The following ST14 variants were observed in gnomAD, a reference collection of about 807,000 sequenced individuals.
ST14 encodes suppressor of tumorigenicity 14 protein.
ST14 carries 40 observed loss-of-function variants against 96.5 expected under a neutral mutation model. That is an observed-to-expected ratio of 0.41 (90% CI 0.32 to 0.54). The LOEUF is 0.54. ST14 is among the 20% of genes least tolerant of loss of function. The probability of loss-of-function intolerance (pLI) is 0.17; values close to 1 mark genes in which losing one functional copy is unlikely to be tolerated. For synonymous variants in ST14, 506 were observed against 492.1 expected, an observed-to-expected ratio of 1.03 and a Z score of -0.37; for missense variants, 1,066 against 1,188.9, an observed-to-expected ratio of 0.90 and a Z score of 1.52.
intron 11 of ST14, 155 bp downstream of exon 11, chr11:130,196,855 T>G: frequency 9.4e-7 from 1 of 1,067,454 alleles, no homozygotes; most frequent in Non-Finnish European, 1.4e-6. Flanking sequence ...GAAAACACGC[T>G]ACCTTTGATG....
Position 130,204,654 on chromosome 11 carries a change from A to T in ST14, c.1995-3756A>T, listed in dbSNP as rs183873277. Among the ~76,000 whole-genome samples the T allele has an allele frequency of 1.1e-4, 16 of 152,312 alleles. No homozygotes were observed. In the East Asian group the frequency reaches 2.3e-3, roughly 22 times the overall value. ...TGGTGAAACCCCATTTCTACTAAAA[A>T]TACAAAAATTAGCTGAGCATGGTGG... On this transcript the variant is annotated intron_variant, in intron 16 of 18. Transcript: ENST00000278742.
At chr11:130,176,378 TTTTTCTTTTTC>T (rs1176611223) in intron 1 of ST14, among the ~76,000 whole-genome samples, 64 of 152,060 alleles carry the variant, frequency 4.2e-4, no homozygotes, top group African/African-American at 1.4e-3. Flanking sequence ...TCCTTTTTTT[TTTTTCTTTTTC>T]TTTTCTTTTT....
Position 130,181,845 on chromosome 11 carries a change from GATT to G in ST14, c.82-6267_82-6265del, listed in dbSNP as rs1953196107. ...TATAAAAGGAAGCAGCCCAGTTACTGATTAGACAGCACTTTTAGGCTGGGTGGA... is the reference window on the plus strand; with the variant it reads ...TATAAAAGGAAGCAGCCCAGTTACTGAGACAGCACTTTTAGGCTGGGTGGA... On this transcript the variant is annotated intron_variant, in intron 1 of 18. Coordinates refer to ENST00000278742, the MANE Select transcript of ST14 (RefSeq NM_021978.4). The surrounding 1 kb of genome is among the most constrained non-coding windows in gnomAD (Gnocchi z 4.1). Among the ~76,000 whole-genome samples the G allele has an allele frequency of 6.6e-6, 1 of 152,236 alleles. No homozygotes were observed. Among genetic ancestry groups the G allele is most frequent in the Non-Finnish European group, 1.5e-5 (1 of 68,048 alleles).
chr11:130,206,314 C>T (rs1271754365), intron 16 of ST14, among the ~76,000 whole-genome samples: 1 of 152,116 alleles, frequency 6.6e-6, no homozygotes, highest in East Asian at 1.9e-4. Context: ...GCACCTGGCT[C>T]GGGACGCCCA....
chr11:130,200,826 G>C (rs1231481961), intron 16 of ST14, among the ~76,000 whole-genome samples: 2 of 152,206 alleles, frequency 1.3e-5, no homozygotes, highest in Non-Finnish European at 2.9e-5. Flanking sequence ...CGTTTGCTTG[G>C]GGTGGCACAG....
chr11:130,200,673 A>G (rs1591894549), intron 16 of ST14, among the ~76,000 whole-genome samples: 1 of 152,212 alleles, frequency 6.6e-6, no homozygotes, highest in East Asian at 1.9e-4. Flanking sequence ...ACGGGGCTCA[A>G]TAACAGTAAT....
intron 9 of ST14, among the ~76,000 whole-genome samples, chr11:130,195,148 C>T (rs1402382892): frequency 5.9e-5 from 9 of 151,992 alleles, no homozygotes; most frequent in Admixed American, 2.0e-4. Flanking sequence ...CTCAGGAGGC[C>T]GAGGTGGGAG....
At position 130,208,469 on chromosome 11, in the gene ST14, G is replaced by A; in HGVS notation, c.2054G>A (p.Ser685Asn). 6.2e-7 allele frequency: 1 copy of A among 1,614,182 alleles called. No homozygotes were observed. The highest frequency in any genetic ancestry group is 8.5e-7 in the Non-Finnish European group (1 of 1,180,044). Residue 685 changes from serine (S) to asparagine (N), a missense_variant, in exon 17 of 19, where the codon AGC becomes AAC. Physicochemically the swap from Ser to Asn is conservative, Grantham distance 46. Coordinates refer to ENST00000278742, the MANE Select transcript of ST14 (RefSeq NM_021978.4). Reference protein sequence around the residue: ...FLGLHDQSQRSAPGVQERRLK... With the variant: ...FLGLHDQSQRNAPGVQERRLK... Reference sequence around the variant, plus strand: ...GGCTTGCACGACCAGAGCCAGCGCAGCGCCCCTGGGGTGCAGGAGCGCAGG... The same window carrying A: ...GGCTTGCACGACCAGAGCCAGCGCAACGCCCCTGGGGTGCAGGAGCGCAGG...
At chr11:130,201,634 A>G (rs1953429426) in intron 16 of ST14, among the ~76,000 whole-genome samples, 1 of 152,268 alleles carries the variant, frequency 6.6e-6, no homozygotes, top group East Asian at 1.9e-4. Context: ...GCTGAAGTTC[A>G]GTGGTGCAAA....
chr11:130,164,532 C>A (rs1300256770), intron 1 of ST14, among the ~76,000 whole-genome samples: 1 of 151,638 alleles, frequency 6.6e-6, no homozygotes, highest in Non-Finnish European at 1.5e-5. Flanking sequence ...AATCCTCCTG[C>A]CTCAGCTTTC....
At chr11:130,190,275 G>A in intron 6 of ST14, 127 bp downstream of exon 6, 3 of 1,482,288 alleles carry the variant, frequency 2.0e-6, no homozygotes, top group Non-Finnish European at 2.8e-6. Flanking sequence ...ATCTTTCCAG[G>A]CCCTTCCTCT....
chr11:130,184,920 G>A (rs1953224391), intron 1 of ST14, among the ~76,000 whole-genome samples: 2 of 152,178 alleles, frequency 1.3e-5, no homozygotes, highest in African/African-American at 2.4e-5. Flanking sequence ...TCCACAGGAA[G>A]ATGTATATAG....
chr11:130,208,644 G>T lies in ST14; in HGVS notation c.2229G>T (p.Lys743Asn), dbSNP rs369964641. 24 of 1,613,902 alleles carry T rather than the reference G, an allele frequency of 1.5e-5. No individual in the cohort carries two copies. The highest frequency in any genetic ancestry group is 2.0e-5 in the Non-Finnish European group (24 of 1,179,990). ...PDASHVFPAG[K>N]AIWVTGWGHT... Reference sequence around the variant, plus strand: ...CCTCCCATGTCTTCCCTGCCGGCAAGGCCATCTGGGTCACGGGCTGGGGAC... The same window carrying T: ...CCTCCCATGTCTTCCCTGCCGGCAATGCCATCTGGGTCACGGGCTGGGGAC... The change falls in exon 17 of 19, where the codon AAG becomes AAT. Residue 743 changes from lysine to asparagine, a missense_variant. Transcript: ENST00000278742.
chr11:130,166,139 C>A (rs1159092931), intron 1 of ST14, among the ~76,000 whole-genome samples: 1 of 152,212 alleles, frequency 6.6e-6, no homozygotes, highest in Non-Finnish European at 1.5e-5. Flanking sequence ...TTTCAACATG[C>A]TTTACATAGA....
At chr11:130,176,760 T>C (rs1474103610) in intron 1 of ST14, among the ~76,000 whole-genome samples, 3 of 150,168 alleles carry the variant, frequency 2.0e-5, no homozygotes, top group Non-Finnish European at 1.5e-5. Flanking sequence ...GCATTAAAAG[T>C]ACAGGGATTT....
In ST14 at chr11:130,188,953, GA is replaced by G. The variant is rs1373963869; in HGVS notation, c.440+16del. On this transcript the variant is annotated intron_variant, in intron 4 of 18. Transcript: ENST00000278742. The surrounding 1 kb of genome is among the most constrained non-coding windows in gnomAD (Gnocchi z 5.4). ...GACGGCCTTCAGGTGGGTGTGGAGA[GA>G]AGGCTCAGTGGGATGCACCCCAGAC... 6.2e-7 allele frequency: 1 copy of G among 1,605,490 alleles called. No individual in the cohort carries two copies. Among genetic ancestry groups the G allele is most frequent in the East Asian group, 2.2e-5 (1 of 44,622 alleles).
intron 15 of ST14, 148 bp from the exon 16 acceptor site, chr11:130,199,803 C>A: frequency 2.3e-6 from 2 of 856,374 alleles, no homozygotes; most frequent in East Asian, 2.4e-5. Flanking sequence ...TTTTGGGGGT[C>A]CCTCACGCCC....
At position 130,200,063 on chromosome 11, in the gene ST14, C is replaced by T. The variant is rs750338716; in HGVS notation, c.1920C>T (p.Ile640=). The T allele has an allele frequency of 3.1e-6, 5 of 1,614,122 alleles. No individual in the cohort carries two copies. In the Admixed American group the frequency reaches 6.7e-5, roughly 22 times the overall value. ...TGCATGCTCTGGGCCAGGGCCACAT[C>T]TGCGGTGCTTCCCTCATCTCTCCCA... The part of the protein sequence containing the change: ...VSLHALGQGH[I]CGASLISPNW... Residue 640 remains isoleucine, a synonymous_variant, in exon 16 of 19, where the codon ATC becomes ATT. Coordinates refer to ENST00000278742, the MANE Select transcript of ST14 (RefSeq NM_021978.4).
At position 130,179,930 on chromosome 11, in the gene ST14, C is replaced by T. The variant is rs1321526603; in HGVS notation, c.82-8184C>T. Among the ~76,000 whole-genome samples, 5 of 152,228 alleles carry T rather than the reference C, an allele frequency of 3.3e-5. No homozygotes were observed. In the East Asian group the frequency reaches 5.8e-4, roughly 18 times the overall value. On this transcript the variant is annotated intron_variant, in intron 1 of 18. Coordinates refer to ENST00000278742, the MANE Select transcript of ST14 (RefSeq NM_021978.4). ...TTTCCCTTGCAAAGGAAGGCATCTT[C>T]GACCTGCCACAGAATGCTTTCTTCC...
Sources: gnomAD v4.1 joint callset for allele counts (sites outside exome capture counted in the v4.1 genomes callset) on GRCh38, gnomAD v4.1.1 for gene constraint, Gnocchi (gnomAD v3.1) non-coding constraint, MANE v1.5 for transcripts, NCBI Gene and HGNC (gene_info 2026-07-23, HGNC 2026-07-21) for gene names.